Variants in UBE4B observed in about 807,000 individuals in gnomAD.
UBE4B encodes ubiquitination factor E4B, also known as ubiquitin conjugation factor E4 B.
A neutral mutation model predicts 148.1 loss-of-function variants in UBE4B; 27 were observed. The observed-to-expected ratio is 0.18, with a 90% confidence interval of 0.13 to 0.25. UBE4B has a LOEUF of 0.25. Among genes scored for constraint, UBE4B ranks in the 10% least tolerant of loss-of-function variants. UBE4B has a pLI of 1.00. For missense variants in UBE4B, 1,170 were observed against 1,662.4 expected (o/e 0.70, Z 5.15); for synonymous variants, 596 against 619.3 (o/e 0.96, Z 0.56).
intron 10 of UBE4B, among the ~76,000 whole-genome samples, chr1:10,125,082 C>T (rs568348320): frequency 1.3e-5 from 2 of 152,194 alleles, no homozygotes; most frequent in South Asian, 2.1e-4. Context: ...GCTGAGATCG[C>T]GCCACTGCAC....
rs757751628 is a variant in UBE4B at position 10,129,415 on chromosome 1, C to T, written c.1662C>T (p.Thr554=). The T allele has an allele frequency of 1.5e-5, 24 of 1,612,094 alleles. No homozygotes were observed. The highest frequency in any genetic ancestry group is 2.0e-5 in the Non-Finnish European group (23 of 1,178,514). The change falls in exon 12 of 28, where the codon ACC becomes ACT. Residue 554 remains threonine, a synonymous_variant. Coordinates refer to ENST00000343090, the MANE Select transcript of UBE4B (RefSeq NM_001105562.3). ...AGGCACTAGGTGAGCTCTGTGAAAC[C>T]AAGTTTGGGAAGACACACCCTGTGT... The part of the protein sequence containing the change: ...PLMALGELCE[T]KFGKTHPVCN...
intron 1 of UBE4B, among the ~76,000 whole-genome samples, chr1:10,055,829 A>G (rs867087345): frequency 6.6e-6 from 1 of 152,212 alleles, no homozygotes; most frequent in South Asian, 2.1e-4. Context: ...CTGAGGCAGG[A>G]GAATCACTTG....
chr1:10,033,819 C>A, intron 1 of UBE4B, 125 bp downstream of exon 1: 2 of 1,067,206 alleles, frequency 1.9e-6, no homozygotes, highest in Non-Finnish European at 2.6e-6. Context: ...TGATATTTTC[C>A]AAGAATAACG....
At position 10,103,201 on chromosome 1, in the gene UBE4B, A is replaced by G. The variant is rs1645044494; in HGVS notation, c.580+109A>G. The G allele has an allele frequency of 2.5e-6, 3 of 1,192,012 alleles. No individual in the cohort carries two copies. The African/African-American group carries it at 4.5e-5, about 18-fold the overall frequency. 73.8% of individuals were successfully genotyped at this position (1,192,012 alleles called of 1,614,324 possible). A position where few individuals can be genotyped will look rare whatever the true frequency, so the allele number is the denominator to read the frequency against. Reference sequence around the variant, plus strand: ...TCACTCCATCTTGCTCTTGGGTTGTATTTTTGATGACAGGGATACTTCTTG... The same window carrying G: ...TCACTCCATCTTGCTCTTGGGTTGTGTTTTTGATGACAGGGATACTTCTTG... On this transcript the variant is annotated intron_variant, in intron 5 of 27. Transcript: ENST00000343090.
intron 9 of UBE4B, among the ~76,000 whole-genome samples, chr1:10,120,980 C>T (rs35632014): frequency 0.075 from 11,412 of 152,082 alleles, 608 homozygotes; most frequent in Non-Finnish European, 0.11. Flanking sequence ...TATACATGTA[C>T]CAAAACTTTA....
intron 25 of UBE4B, among the ~76,000 whole-genome samples, chr1:10,173,555 T>C (rs903924130): frequency 6.6e-6 from 1 of 151,684 alleles, no homozygotes; most frequent in East Asian, 1.9e-4. Context: ...GACTATATAA[T>C]ACTGCACTGA....
At chr1:10,042,097 G>T (rs1361776099) in intron 1 of UBE4B, among the ~76,000 whole-genome samples, 1 of 152,200 alleles carries the variant, frequency 6.6e-6, no homozygotes, top group African/African-American at 2.4e-5. Flanking sequence ...GCCAGGCCCA[G>T]CCCTCCAGTG....
chr1:10,033,620 C>T lies in UBE4B; in HGVS notation c.-51C>T, dbSNP rs375447908. 1 of 1,484,716 alleles carries T rather than the reference C, an allele frequency of 6.7e-7. No individual in the cohort carries two copies. The highest frequency in any genetic ancestry group is 9.0e-7 in the Non-Finnish European group (1 of 1,113,672). 92.0% of individuals were successfully genotyped at this position (1,484,716 alleles called of 1,614,324 possible). A position where few individuals can be genotyped will look rare whatever the true frequency, so the allele number is the denominator to read the frequency against. ...ACTCTCCTTCCTCCCGCCGTGGTCT[C>T]GAGAACAGAAGGATCTCTCCTTAAC... is the stretch of plus-strand genomic sequence containing the variant. On this transcript the variant is annotated 5_prime_UTR_variant, in exon 1 of 28. Transcript: ENST00000343090.
chr1:10,090,277 G>A (rs890793187), intron 2 of UBE4B, among the ~76,000 whole-genome samples: 3 of 152,138 alleles, frequency 2.0e-5, no homozygotes, highest in East Asian at 1.9e-4. Flanking sequence ...ATACCATCAC[G>A]CTTGGCTCAT....
At chr1:10,142,043 C>CT (rs1645790745) in intron 17 of UBE4B, among the ~76,000 whole-genome samples, 5 of 133,298 alleles carry the variant, frequency 3.8e-5, no homozygotes, top group African/African-American at 2.0e-4. Flanking sequence ...TGAAGCCTGT[C>CT]ATTTTTTTTT....
chr1:10,143,091 G>A (rs796950340), intron 17 of UBE4B, among the ~76,000 whole-genome samples: 7 of 152,236 alleles, frequency 4.6e-5, no homozygotes, highest in African/African-American at 1.7e-4. Flanking sequence ...GCAACAGAGT[G>A]AGAGACCCTG....
chr1:10,157,415 T>C (rs541066502), intron 21 of UBE4B, among the ~76,000 whole-genome samples: 38 of 152,176 alleles, frequency 2.5e-4, no homozygotes, highest in African/African-American at 8.4e-4. Flanking sequence ...AGGTTGAGGC[T>C]GCAGTGAGCC....
chr1:10,142,272 T>TA (rs1229904538), intron 17 of UBE4B, among the ~76,000 whole-genome samples: 1 of 152,206 alleles, frequency 6.6e-6, no homozygotes, highest in East Asian at 1.9e-4. Flanking sequence ...ACTCTTGTGA[T>TA]ACCCGTAGCC....
Position 10,180,277 on chromosome 1 carries a change from G to T in UBE4B, c.*321G>T. On this transcript the variant is annotated 3_prime_UTR_variant, in exon 28 of 28. Transcript: ENST00000343090. ...TCTTTTAGTGATGGCTAATGGGTCTGGGCAGCATCCCTTCATGAATTTTTT... is the reference window on the plus strand; with the variant it reads ...TCTTTTAGTGATGGCTAATGGGTCTTGGCAGCATCCCTTCATGAATTTTTT... 1 of 310,752 alleles carries T rather than the reference G, an allele frequency of 3.2e-6. No homozygotes were observed. The highest frequency in any genetic ancestry group is 2.2e-5 in the African/African-American group (1 of 46,456). 19.2% of individuals were successfully genotyped at this position (310,752 alleles called of 1,614,324 possible). A position where few individuals can be genotyped will look rare whatever the true frequency, so the allele number is the denominator to read the frequency against.
At chr1:10,040,359 A>G (rs1353133014) in intron 1 of UBE4B, among the ~76,000 whole-genome samples, 1 of 151,724 alleles carries the variant, frequency 6.6e-6, no homozygotes, top group Admixed American at 6.6e-5. Flanking sequence ...TCCGCCTGCC[A>G]TGGCCTCCCA....
intron 1 of UBE4B, among the ~76,000 whole-genome samples, chr1:10,061,934 G>A (rs1570803397): frequency 1.4e-5 from 2 of 145,612 alleles, no homozygotes; most frequent in South Asian, 2.2e-4. Context: ...TTTTTGAGAC[G>A]AGGTCTCGCT....
At chr1:10,146,316 G>A (rs1645871849) in intron 18 of UBE4B, among the ~76,000 whole-genome samples, 1 of 152,162 alleles carries the variant, frequency 6.6e-6, no homozygotes, top group Admixed American at 6.6e-5. Flanking sequence ...ACTGGGTGTG[G>A]TGGCACACGA....
chr1:10,095,623 G>T, intron 3 of UBE4B, 27 bp downstream of exon 3: 1 of 1,613,526 alleles, frequency 6.2e-7, no homozygotes, highest in Non-Finnish European at 8.5e-7. Flanking sequence ...TTTCTAATAT[G>T]CTCTTTTATT....
intron 1 of UBE4B, among the ~76,000 whole-genome samples, chr1:10,035,702 G>C (rs1249298161): frequency 1.3e-5 from 2 of 149,440 alleles, no homozygotes; most frequent in Non-Finnish European, 3.0e-5. Flanking sequence ...CACCGTGACC[G>C]GCCAGAGATA....
Sources: allele counts gnomAD v4.1 joint callset (sites outside exome capture counted in the v4.1 genomes callset), GRCh38; gene constraint gnomAD v4.1.1; transcripts MANE v1.5; gene names NCBI Gene and HGNC (gene_info 2026-07-23, HGNC 2026-07-21).